PEAR1: variants seen among roughly 807,000 people sequenced by gnomAD.
PEAR1 encodes the protein multiple EGF-like domains protein 12.
A neutral mutation model predicts 131.2 loss-of-function variants in PEAR1; 113 were observed. The ratio of observed to expected loss-of-function variants is 0.86; its 90% CI spans 0.74 to 1.01. The LOEUF (loss-of-function observed/expected upper bound fraction) is 1.01. Ranked by LOEUF, PEAR1 falls within the 50% of genes least tolerant of loss-of-function variation. The pLI is 0.00. For synonymous variants in PEAR1, 565 were observed against 523.3 expected (o/e 1.08, Z -1.09); for missense variants, 1,408 against 1,391.1 (o/e 1.01, Z -0.19).
chr1:156,911,070 T>G (rs1226324800), intron 15 of PEAR1, among the ~76,000 whole-genome samples: 1 of 113,474 alleles, frequency 8.8e-6, no homozygotes, highest in Non-Finnish European at 1.6e-5. Context: ...TCTTTCTTTC[T>G]TTCTTTCTTT....
At position 156,908,916 on chromosome 1, in the gene PEAR1, G is replaced by T; in HGVS notation, c.1291G>T (p.Gly431Cys). 2 of 1,613,164 alleles carry T rather than the reference G, an allele frequency of 1.2e-6. No individual in the cohort carries two copies. The highest frequency in any genetic ancestry group is 8.5e-7 in the Non-Finnish European group (1 of 1,179,938). Reference sequence around the variant, plus strand: ...CTCTCACCCGCTCACCCTCTTTCAGGGCCCTCACTGTGCTAGTCTTTGTCC... The same window carrying T: ...CTCTCACCCGCTCACCCTCTTTCAGTGCCCTCACTGTGCTAGTCTTTGTCC... ...GLCQCAPGYT[G>C]PHCASLCPPD... The change falls in exon 11 of 23, where the codon GGC (glycine) becomes TGC (cysteine). Residue 431 changes from glycine to cysteine, a missense_variant and splice_region_variant. Gly to Cys is a radical substitution (Grantham distance 159, BLOSUM62 -3). Transcript: ENST00000292357. This position sits in a 1 kb window ranked among gnomAD's most constrained non-coding sequence, Gnocchi z 4.2.
chr1:156,915,263 C>T lies in PEAR1; in HGVS notation c.*465C>T, dbSNP rs2101563364. The T allele has an allele frequency of 6.5e-6, 1 of 154,104 alleles. No individual in the cohort carries two copies. The highest frequency in any genetic ancestry group is 2.1e-4 in the South Asian group (1 of 4,852). The allele number at this position is 154,104 out of a possible 1,614,324, so 9.5% of individuals were successfully genotyped here. On this transcript the variant is annotated 3_prime_UTR_variant, in exon 23 of 23. Transcript: ENST00000292357. ...CAATAGCCTCCTAACTGGCCTCCTC[C>T]ATTGATTCAGTGAACCTTCCAATGC...
chr1:156,910,408 T>A, intron 14 of PEAR1, 28 bp downstream of exon 14: 1 of 1,564,522 alleles, frequency 6.4e-7, no homozygotes, highest in South Asian at 1.2e-5. Flanking sequence ...CCCTTCCACC[T>A]GCCACCAGCA....
At chr1:156,910,490 C>T in intron 14 of PEAR1, 110 bp downstream of exon 14, 1 of 1,547,438 alleles carries the variant, frequency 6.5e-7, no homozygotes, top group Non-Finnish European at 8.7e-7. Context: ...CCACCTTACC[C>T]CCGGTCTCTT....
chr1:156,912,788 C>A lies in PEAR1; in HGVS notation c.2228C>A (p.Thr743Asn). The A allele has an allele frequency of 6.2e-7, 1 of 1,614,210 alleles. No individual in the cohort carries two copies. Among genetic ancestry groups the A allele is most frequent in the Non-Finnish European group, 8.5e-7 (1 of 1,180,020 alleles). Reference protein sequence around the residue: ...PCRIGIQEPFTVMPTTPVAYN... With the variant: ...PCRIGIQEPFNVMPTTPVAYN... ...CACACAGGAATCCAGGAGCCCTTTA[C>A]TGTGATGCCGACCACTCCAGTAGCG... The change falls in exon 18 of 23, where the codon ACT becomes AAT. Residue 743 changes from threonine to asparagine, a missense_variant. Physicochemically the swap from Thr to Asn is moderately conservative, Grantham distance 65. Transcript: ENST00000292357.
At chr1:156,912,455 G>A (rs375353610) in intron 16 of PEAR1, 39 bp from the exon 17 acceptor site, 29 of 1,604,890 alleles carry the variant, frequency 1.8e-5, no homozygotes, top group South Asian at 8.9e-5. Flanking sequence ...GTTTCCTGGC[G>A]GCTCTGATGC....
At position 156,908,699 on chromosome 1, in the gene PEAR1, C is replaced by T. The variant is rs1053986252; in HGVS notation, c.1160C>T (p.Ala387Val). The T allele has an allele frequency of 1.8e-5, 28 of 1,539,072 alleles. No individual in the cohort carries two copies. The highest frequency in any genetic ancestry group is 2.7e-5 in the African/African-American group (2 of 73,062). The change falls in exon 10 of 23, where the codon GCG (alanine) becomes GTG (valine). Residue 387 changes from alanine to valine, a missense_variant. By Grantham distance (64) the Ala-to-Val change is moderately conservative (BLOSUM62 0). Coordinates refer to ENST00000292357, the MANE Select transcript of PEAR1 (RefSeq NM_001080471.3). The surrounding 1 kb of genome is among the most constrained non-coding windows in gnomAD (Gnocchi z 4.2). ...NGECSCLPGW[A>V]GLHCNESCPQ... ...GAGTGCTCCTGCCTGCCGGGCTGGG[C>T]GGGCCTCCACTGCAACGAGAGCTGC...
In PEAR1 at chr1:156,914,708, C is replaced by G; in HGVS notation, c.3024C>G (p.Asp1008Glu). Residue 1008 changes from aspartate (D) to glutamate (E), a missense_variant, in exon 23 of 23, where the codon GAC becomes GAG. Coordinates refer to ENST00000292357, the MANE Select transcript of PEAR1 (RefSeq NM_001080471.3). Reference protein sequence around the residue: ...LPPGLPPGHYDSPKNSHIPGH... With the variant: ...LPPGLPPGHYESPKNSHIPGH... ...CGGGCCTACCCCCCGGCCACTATGACTCACCCAAGAACAGCCACATCCCTG... is the reference window on the plus strand; with the variant it reads ...CGGGCCTACCCCCCGGCCACTATGAGTCACCCAAGAACAGCCACATCCCTG... 6.2e-7 allele frequency: 1 copy of G among 1,614,056 alleles called. No homozygotes were observed. Among genetic ancestry groups the G allele is most frequent in the African/African-American group, 1.3e-5 (1 of 75,044 alleles).
chr1:156,913,552 C>A (rs372635498), intron 20 of PEAR1, 29 bp downstream of exon 20: 1 of 1,609,288 alleles, frequency 6.2e-7, no homozygotes, highest in Non-Finnish European at 8.5e-7. Flanking sequence ...GGGTCTCTGG[C>A]GCGGGTGGAT....
chr1:156,912,859 C>T lies in PEAR1; in HGVS notation c.2299C>T (p.Leu767Phe). ...GATTGGCATTGCAGTGCTGGGGTCCCTTGTGGTAGCCCTGGTGGCACTGTT... is the reference window on the plus strand; with the variant it reads ...GATTGGCATTGCAGTGCTGGGGTCCTTTGTGGTAGCCCTGGTGGCACTGTT... ...AVIGIAVLGS[L>F]VVALVALFIG... Residue 767 changes from leucine (L) to phenylalanine (F), a missense_variant, in exon 18 of 23, where the codon CTT (leucine) becomes TTT (phenylalanine). By Grantham distance (22) the Leu-to-Phe change is conservative. Coordinates refer to ENST00000292357, the MANE Select transcript of PEAR1 (RefSeq NM_001080471.3). 1.9e-6 allele frequency: 3 copies of T among 1,614,236 alleles called. No homozygotes were observed. Among genetic ancestry groups the T allele is most frequent in the Non-Finnish European group, 1.7e-6 (2 of 1,180,042 alleles).
intron 1 of PEAR1, among the ~76,000 whole-genome samples, chr1:156,900,953 G>A (rs575030690): frequency 6.6e-6 from 1 of 152,290 alleles, no homozygotes; most frequent in South Asian, 2.1e-4. Flanking sequence ...AGGCTCAGGT[G>A]CCCTGCCCCT....
chr1:156,914,037 C>A lies in PEAR1; in HGVS notation c.2899C>A (p.Arg967=), dbSNP rs149758169. ...TCCTCAGTTCTGGGACAGCCAGAGGCGGCGGCAACCCCAGCCACAGAGAGA... is the reference window on the plus strand; with the variant it reads ...TCCTCAGTTCTGGGACAGCCAGAGGAGGCGGCAACCCCAGCCACAGAGAGA... ...QPPQFWDSQR[R]RQPQPQRDSG... is the part of the protein sequence containing the mutation. The change falls in exon 22 of 23, where the codon CGG becomes AGG. Residue 967 remains arginine, a synonymous_variant. Transcript: ENST00000292357. 6.2e-7 allele frequency: 1 copy of A among 1,609,112 alleles called. No individual in the cohort carries two copies. The highest frequency in any genetic ancestry group is 1.1e-5 in the South Asian group (1 of 90,308).
Position 156,914,081 on chromosome 1 carries a change from G to C in PEAR1, c.2943G>C (p.Gln981His). Residue 981 changes from glutamine (Q) to histidine (H), a missense_variant, in exon 22 of 23, where the codon CAG becomes CAC. By Grantham distance (24) the Gln-to-His change is conservative. Coordinates refer to ENST00000292357, the MANE Select transcript of PEAR1 (RefSeq NM_001080471.3). The stretch of plus-strand genomic sequence containing the variant: ...AGAGAGACAGTGGCACCTACGAGCA[G>C]CCCAGCCCCCTGATCCATGGTGAGC... ...QPQRDSGTYE[Q>H]PSPLIHDRDS... 1 of 1,601,580 alleles carries C rather than the reference G, an allele frequency of 6.2e-7. No individual in the cohort carries two copies. Among genetic ancestry groups the C allele is most frequent in the Non-Finnish European group, 8.5e-7 (1 of 1,173,840 alleles).
chr1:156,913,015 G>A (rs1454838361), intron 18 of PEAR1, 33 bp downstream of exon 18: 3 of 1,611,664 alleles, frequency 1.9e-6, no homozygotes, highest in Non-Finnish European at 2.5e-6. Context: ...GCACAGATGA[G>A]TGGCTGGCTC....
rs1309373460 is a variant in PEAR1 at position 156,912,641 on chromosome 1, C to T, written c.2209+19C>T. 1 of 1,610,826 alleles carries T rather than the reference C, an allele frequency of 6.2e-7. No individual in the cohort carries two copies. Among genetic ancestry groups the T allele is most frequent in the East Asian group, 2.2e-5 (1 of 44,812 alleles). On this transcript the variant is annotated intron_variant, in intron 17 of 22. Transcript: ENST00000292357. Reference sequence around the variant, plus strand: ...AGGATTGGTGAGTTCTTTGCCCTCTCCTTCCCACCCATTGTCCCCAGGGAA... The same window carrying T: ...AGGATTGGTGAGTTCTTTGCCCTCTTCTTCCCACCCATTGTCCCCAGGGAA...
chr1:156,905,274 T>C (rs868531789), intron 3 of PEAR1, 50 bp from the exon 4 acceptor site: 3 of 1,564,380 alleles, frequency 1.9e-6, no homozygotes, highest in Non-Finnish European at 2.6e-6. Context: ...CACACTGTGG[T>C]GAGTGCGGAC....
At chr1:156,899,418 G>A (rs1490967077) in intron 1 of PEAR1, among the ~76,000 whole-genome samples, 1 of 152,110 alleles carries the variant, frequency 6.6e-6, no homozygotes, top group Non-Finnish European at 1.5e-5. Context: ...CTGGCGGGCA[G>A]CCCATCGTTT....
intron 1 of PEAR1, among the ~76,000 whole-genome samples, chr1:156,896,353 G>A (rs962917179): frequency 1.7e-4 from 26 of 152,172 alleles, no homozygotes; most frequent in African/African-American, 6.0e-4. Flanking sequence ...TCCCCACACT[G>A]CTTTGTGCTT....
In PEAR1 at chr1:156,914,625, T is replaced by C. The variant is rs753098826; in HGVS notation, c.2963-22T>C. ...AGTGGTGGGAGGAGCCACTCCCTCT[T>C]ATCTTGTCCTCATGTTTCCAGACCG... On this transcript the variant is annotated intron_variant, in intron 22 of 22. Coordinates refer to ENST00000292357, the MANE Select transcript of PEAR1 (RefSeq NM_001080471.3). The C allele has an allele frequency of 5.0e-5, 80 of 1,602,438 alleles. 1 individual carries two copies. In the South Asian group the frequency reaches 8.1e-4, roughly 16 times the overall value.
Sources: allele counts gnomAD v4.1 joint callset (sites outside exome capture counted in the v4.1 genomes callset), GRCh38; gene constraint gnomAD v4.1.1; non-coding constraint Gnocchi (gnomAD v3.1); transcripts MANE v1.5; gene names NCBI Gene and HGNC (gene_info 2026-07-23, HGNC 2026-07-21).